Variants in ZDHHC11B observed in about 807,000 individuals in gnomAD.
ZDHHC11B encodes probable palmitoyltransferase ZDHHC11B.
ZDHHC11B carries 17 observed loss-of-function variants against 42.3 expected under a neutral mutation model. The ratio of observed to expected loss-of-function variants is 0.40; its 90% CI spans 0.27 to 0.60. The LOEUF is 0.60. ZDHHC11B is among the 20% of genes least tolerant of loss of function. ZDHHC11B has a pLI of 0.41. For synonymous variants in ZDHHC11B, 123 were observed against 193.5 expected (o/e 0.64, Z 3.02); for missense variants, 262 against 463.2 (o/e 0.57, Z 3.99).
chr5:724,608 C>T (rs531683777), intron 12 of ZDHHC11B, among the ~76,000 whole-genome samples: 40 of 141,766 alleles, frequency 2.8e-4, no homozygotes, highest in Non-Finnish European at 5.6e-4. Flanking sequence ...GATCTCCTGT[C>T]CTCTTGATCT....
intron 4 of ZDHHC11B, among the ~76,000 whole-genome samples, chr5:757,545 C>T (rs72707091): frequency 0.058 from 8,526 of 147,822 alleles, 24 homozygotes; most frequent in East Asian, 0.13. Context: ...TGCAGCAGCC[C>T]TTCCCTGATG....
chr5:779,111 C>T (rs1261324489), intron 1 of ZDHHC11B, among the ~76,000 whole-genome samples: 23 of 151,478 alleles, frequency 1.5e-4, no homozygotes, highest in African/African-American at 5.4e-4. Flanking sequence ...GGTGCTGTTA[C>T]AGCAACACAC....
At chr5:772,481 C>T (rs1736141528) in intron 1 of ZDHHC11B, among the ~76,000 whole-genome samples, 3 of 151,964 alleles carry the variant, frequency 2.0e-5, no homozygotes, top group African/African-American at 7.2e-5. Context: ...CCCACTCAGG[C>T]TGAGGGGAGC....
chr5:766,697 CCA>C lies in ZDHHC11B; in HGVS notation c.221_222del (p.Val74GlyfsTer72). 1 of 1,606,126 alleles carries C rather than the reference CCA, an allele frequency of 6.2e-7. No individual in the cohort carries two copies. The highest frequency in any genetic ancestry group is 1.3e-5 in the African/African-American group (1 of 74,800). ...LPHSWKYIAY[V>X]VTGGIFSFHL... ...AGACCATGCCACGATGAAAAGGATA[CCA>C]CATAGGCGATGTATTTCCACGAGTG... On this transcript the variant is annotated frameshift_variant and splice_region_variant, in exon 4 of 14. Transcript: ENST00000508859. LOFTEE classifies it high-confidence loss of function.
chr5:741,947 C>T (rs1174893431), intron 9 of ZDHHC11B, among the ~76,000 whole-genome samples: 5 of 127,872 alleles, frequency 3.9e-5, no homozygotes, highest in African/African-American at 8.5e-5. Flanking sequence ...TCTACAACTT[C>T]ACCAGCCCTC....
intron 6 of ZDHHC11B, among the ~76,000 whole-genome samples, chr5:754,237 T>G (rs1292785878): frequency 8.6e-6 from 1 of 116,712 alleles, no homozygotes; most frequent in African/African-American, 3.1e-5. Flanking sequence ...TCTATGAGCC[T>G]CCACCGTGCT....
chr5:757,351 G>A (rs1254142002), intron 4 of ZDHHC11B, among the ~76,000 whole-genome samples: 6 of 151,904 alleles, frequency 3.9e-5, no homozygotes, highest in African/African-American at 9.7e-5. Context: ...AAAAAGCCAC[G>A]TAGGGATTTT....
At chr5:754,369 G>A (rs1561163772) in intron 6 of ZDHHC11B, among the ~76,000 whole-genome samples, 2 of 124,576 alleles carry the variant, frequency 1.6e-5, no homozygotes, top group Non-Finnish European at 3.5e-5. Flanking sequence ...CGTGATCAGG[G>A]GAAACACCTC....
chr5:759,995 C>T (rs1369588861), intron 4 of ZDHHC11B, among the ~76,000 whole-genome samples: 1 of 151,890 alleles, frequency 6.6e-6, no homozygotes, highest in African/African-American at 2.4e-5. Context: ...CGCCGGCCAG[C>T]GGGAGGGGCA....
In ZDHHC11B at chr5:750,865, C is replaced by T. The variant is rs1018412314; in HGVS notation, c.628+268G>A. Among the ~76,000 whole-genome samples, 4 of 126,348 alleles carry T rather than the reference C, an allele frequency of 3.2e-5. 2 individuals carry two copies. The highest frequency in any genetic ancestry group is 7.1e-5 in the Non-Finnish European group (4 of 56,682). 82.9% of individuals were successfully genotyped at this position (126,348 alleles called of 152,430 possible). The stretch of plus-strand genomic sequence containing the variant: ...GCGGAGGGCAGGGGCAGAGGTGGAC[C>T]CCACTGTCTCTCGCCTGACACGACC... On this transcript the variant is annotated intron_variant, in intron 7 of 13. Transcript: ENST00000508859.
chr5:718,812 C>T (rs917870335), intron 12 of ZDHHC11B, among the ~76,000 whole-genome samples: 7 of 151,688 alleles, frequency 4.6e-5, no homozygotes, highest in African/African-American at 1.5e-4. Flanking sequence ...GCTATAAGGG[C>T]AGCAACCTAC....
intron 9 of ZDHHC11B, among the ~76,000 whole-genome samples, chr5:743,752 G>C (rs1261998766): frequency 8.0e-5 from 12 of 149,888 alleles, no homozygotes; most frequent in African/African-American, 2.5e-4. Context: ...CCACATCCTT[G>C]TTAAGTGATT....
At chr5:714,859 G>C (rs1472963077) in intron 13 of ZDHHC11B, among the ~76,000 whole-genome samples, 1 of 151,212 alleles carries the variant, frequency 6.6e-6, no homozygotes, top group African/African-American at 2.4e-5. Context: ...CCTATGAACA[G>C]ATTAATGCCC....
At chr5:767,191 G>A (rs1329859017) in intron 3 of ZDHHC11B, among the ~76,000 whole-genome samples, 3 of 151,986 alleles carry the variant, frequency 2.0e-5, no homozygotes, top group African/African-American at 7.2e-5. Flanking sequence ...GCTCTCCAGG[G>A]TGTGGAGGAC....
intron 7 of ZDHHC11B, among the ~76,000 whole-genome samples, chr5:749,980 C>T (rs3845124): frequency 0.21 from 20,491 of 95,530 alleles, 1,891 homozygotes; most frequent in South Asian, 0.31. Context: ...GAAGGAGGAG[C>T]TTTAGGGACT....
rs566121924 is a variant in ZDHHC11B at position 779,099 on chromosome 5, C to T, written c.-230+5569G>A. Among the ~76,000 whole-genome samples, 1,022 of 151,144 alleles carry T rather than the reference C, an allele frequency of 6.8e-3. 5 individuals carry two copies. The highest frequency in any genetic ancestry group is 0.023 in the African/African-American group (950 of 40,666). ...CATATCATTTCATAAATTACCATGC[C>T]TGGTGCTGTTACAGCAACACACACA... On this transcript the variant is annotated intron_variant, in intron 1 of 13. Transcript: ENST00000508859.
At chr5:766,367 C>T (rs1735372723) in intron 4 of ZDHHC11B, among the ~76,000 whole-genome samples, 2 of 151,868 alleles carry the variant, frequency 1.3e-5, no homozygotes, top group South Asian at 4.2e-4. Flanking sequence ...GAGCAGACGG[C>T]CTGACATGGG....
chr5:751,908 C>T (rs571520745), intron 6 of ZDHHC11B, among the ~76,000 whole-genome samples: 4,610 of 118,498 alleles, frequency 0.039, 94 homozygotes, highest in African/African-American at 0.11. Context: ...GCCCTTTTCA[C>T]GAGTGGGGAA....
intron 12 of ZDHHC11B, among the ~76,000 whole-genome samples, chr5:720,479 A>T (rs1419620996): frequency 2.6e-5 from 4 of 151,816 alleles, no homozygotes; most frequent in Non-Finnish European, 1.5e-5. Context: ...GATAGACAAA[A>T]ATTGAGAGAA....
Sources: allele counts gnomAD v4.1 joint callset (sites outside exome capture counted in the v4.1 genomes callset), GRCh38; gene constraint gnomAD v4.1.1; transcripts MANE v1.5; gene names NCBI Gene and HGNC (gene_info 2026-07-23, HGNC 2026-07-21).